The following STC2 variants were observed in gnomAD, a reference collection of about 807,000 sequenced individuals.
STC2 encodes the protein stanniocalcin 2.
A neutral mutation model predicts 22.7 loss-of-function variants in STC2; 7 were observed. The observed-to-expected ratio is 0.31, with a 90% CI of 0.18 to 0.58. The LOEUF (loss-of-function observed/expected upper bound fraction) is 0.58. Among genes scored for constraint, STC2 ranks in the 20% least tolerant of loss-of-function variants. The pLI, the probability that STC2 is intolerant of heterozygous loss-of-function variation, is 0.89. For missense variants in STC2, 336 were observed against 406.2 expected (o/e 0.83, Z 1.48); for synonymous variants, 158 against 163.4 (o/e 0.97, Z 0.25).
rs1296743704 is a variant in STC2, at chr5:173,317,811, G to A, written c.*36C>T. On this transcript the variant is annotated 3_prime_UTR_variant, in exon 4 of 4. Transcript: ENST00000265087. ...ATGTCCATAGATAAGAAAATGGACG[G>A]CGTGGAGGAAAGATTTCGTGGCCAG... is the stretch of plus-strand genomic sequence containing the variant. 6.6e-7 allele frequency: 1 copy of A among 1,522,070 alleles called. No individual in the cohort carries two copies. The highest frequency in any genetic ancestry group is 1.4e-5 in the African/African-American group (1 of 72,164). 94.3% of individuals were successfully genotyped at this position (1,522,070 alleles called of 1,614,324 possible). A position where few individuals can be genotyped will look rare whatever the true frequency, so the allele number is the denominator to read the frequency against.
rs1354220290 is a variant in STC2, at chr5:173,325,545, A to G, written c.294+323T>C. Among the ~76,000 whole-genome samples, 1 of 152,166 alleles carries G rather than the reference A, an allele frequency of 6.6e-6. No homozygotes were observed. Among genetic ancestry groups the G allele is most frequent in the African/African-American group, 2.4e-5 (1 of 41,420 alleles). On this transcript the variant is annotated intron_variant, in intron 2 of 3. Coordinates refer to ENST00000265087, the MANE Select transcript of STC2 (RefSeq NM_003714.3). The surrounding 1 kb of genome is among the most constrained non-coding windows in gnomAD (Gnocchi z 4.7). ...GTAGGTGAAATGACTTCTGAAATGT[A>G]TAATTGGGGGTTCCTGCCCCTGCCT...
rs762087967 is a variant in STC2, at chr5:173,317,876, G to A, written c.880C>T (p.Gln294Ter). The A allele has an allele frequency of 1.9e-6, 3 of 1,597,016 alleles. No homozygotes were observed. The highest frequency in any genetic ancestry group is 2.6e-6 in the Non-Finnish European group (3 of 1,168,916). ...PSGSSEWEDE[Q>*]SEYSDIRR is the part of the protein sequence containing the mutation. ...CTCCGGATATCAGAATACTCAGACT[G>A]TTCGTCTTCCCACTCGCTGCTTCCG... Residue 294 changes from glutamine (Q) to a stop codon, truncating the protein, a stop_gained, in exon 4 of 4, where the codon CAG becomes TAG. Coordinates refer to ENST00000265087, the MANE Select transcript of STC2 (RefSeq NM_003714.3). LOFTEE classifies it high-confidence loss of function.
rs770251596 is a variant in STC2, at chr5:173,315,593, C to G, written c.*2254G>C. The G allele has an allele frequency of 6.6e-6, 1 of 152,260 alleles. No homozygotes were observed. Among genetic ancestry groups the G allele is most frequent in the Non-Finnish European group, 1.5e-5 (1 of 68,046 alleles). 9.4% of individuals were successfully genotyped at this position (152,260 alleles called of 1,614,324 possible). ...CACGGAGGAAAATGGAAATGTGATGCCTTTCACACATCCAGTCCAGGAGCT... is the reference window on the plus strand; with the variant it reads ...CACGGAGGAAAATGGAAATGTGATGGCTTTCACACATCCAGTCCAGGAGCT... On this transcript the variant is annotated 3_prime_UTR_variant, in exon 4 of 4. Coordinates refer to ENST00000265087, the MANE Select transcript of STC2 (RefSeq NM_003714.3).
Position 173,323,448 on chromosome 5 carries a change from G to A in STC2, c.295-18C>T, listed in dbSNP as rs778010691. 2 of 1,589,974 alleles carry A rather than the reference G, an allele frequency of 1.3e-6. No homozygotes were observed. The highest frequency in any genetic ancestry group is 8.6e-7 in the Non-Finnish European group (1 of 1,166,298). ...GACTTGCCCTGAGAACACACAGGCC[G>A]GGGAAGGGAGAGAGGGGCAGAAAGC... On this transcript the variant is annotated intron_variant, in intron 2 of 3. Transcript: ENST00000265087. The surrounding 1 kb of genome is among the most constrained non-coding windows in gnomAD (Gnocchi z 5.4).
At chr5:173,319,388 G>A (rs556123333) in intron 3 of STC2, among the ~76,000 whole-genome samples, 1 of 152,148 alleles carries the variant, frequency 6.6e-6, no homozygotes, top group African/African-American at 2.4e-5. Flanking sequence ...GGCAGTCCTC[G>A]CTGGCAAAGT....
At position 173,323,889 on chromosome 5, in the gene STC2, T is replaced by G. The variant is rs2113137436; in HGVS notation, c.295-459A>C. ...GCCTGCATGTCCAAATCTCACACGT[T>G]TCCTTTTTCCCTTGATTCCAGGGGC... On this transcript the variant is annotated intron_variant, in intron 2 of 3. Transcript: ENST00000265087. The surrounding 1 kb of genome is among the most constrained non-coding windows in gnomAD (Gnocchi z 5.4). 1.8e-5 allele frequency: 3 copies of G among 171,260 alleles called. 1 individual carries two copies. The South Asian group carries it at 4.5e-4, about 26-fold the overall frequency. The allele number at this position is 171,260 out of a possible 1,614,324, so 10.6% of individuals were successfully genotyped here.
At position 173,323,035 on chromosome 5, in the gene STC2, T is replaced by C; in HGVS notation, c.506+184A>G. 1 of 611,272 alleles carries C rather than the reference T, an allele frequency of 1.6e-6. No individual in the cohort carries two copies. The highest frequency in any genetic ancestry group is 2.9e-6 in the Non-Finnish European group (1 of 342,178). The allele number at this position is 611,272 out of a possible 1,614,324, so 37.9% of individuals were successfully genotyped here. On this transcript the variant is annotated intron_variant, in intron 3 of 3. Transcript: ENST00000265087. The surrounding 1 kb of genome is among the most constrained non-coding windows in gnomAD (Gnocchi z 5.4). ...TGAGACTGATGAGGGAATTCTCTCT[T>C]TTCCTAAAAGCCAGCAGGAAAGGGG... is the stretch of plus-strand genomic sequence containing the variant.
chr5:173,319,750 G>A (rs1480007885), intron 3 of STC2, among the ~76,000 whole-genome samples: 3 of 152,254 alleles, frequency 2.0e-5, no homozygotes, highest in Admixed American at 6.5e-5. Flanking sequence ...TCAGGGCCCA[G>A]GGCTTGGCTG....
Position 173,323,560 on chromosome 5 carries a change from A to G in STC2, c.295-130T>C. ...GACATCAGAACCCCAAGGCCCCACC[A>G]GAGACGGACGTCCTCCCAGGTGACA... On this transcript the variant is annotated intron_variant, in intron 2 of 3. Coordinates refer to ENST00000265087, the MANE Select transcript of STC2 (RefSeq NM_003714.3). This position sits in a 1 kb window ranked among gnomAD's most constrained non-coding sequence, Gnocchi z 5.4. The G allele has an allele frequency of 1.1e-6, 1 of 886,286 alleles. No individual in the cohort carries two copies. Among genetic ancestry groups the G allele is most frequent in the African/African-American group, 1.7e-5 (1 of 60,262 alleles). The allele number at this position is 886,286 out of a possible 1,614,324, so 54.9% of individuals were successfully genotyped here.
At position 173,323,315 on chromosome 5, in the gene STC2, C is replaced by A. The variant is rs753833263; in HGVS notation, c.410G>T (p.Arg137Leu). The A allele has an allele frequency of 6.2e-7, 1 of 1,614,208 alleles. No individual in the cohort carries two copies. The change falls in exon 3 of 4, where the codon CGG becomes CTG. Residue 137 changes from arginine to leucine, a missense_variant. By Grantham distance (102) the Arg-to-Leu change is moderately radical (BLOSUM62 -2). This residue lies in a region of STC2 where 215 missense variants were observed against 231.5 expected (regional missense o/e 0.93). Coordinates refer to ENST00000265087, the MANE Select transcript of STC2 (RefSeq NM_003714.3). The surrounding 1 kb of genome is among the most constrained non-coding windows in gnomAD (Gnocchi z 5.4). ...CAGGTCGTGCTTGAGGTAGCATTCC[C>A]GCTGCAACTGGGACACCATTTCCCT... ...AIREMVSQLQRECYLKHDLCA... is the reference protein window; with the variant it reads ...AIREMVSQLQLECYLKHDLCA...
At chr5:173,319,690 C>G (rs534241612) in intron 3 of STC2, among the ~76,000 whole-genome samples, 15 of 152,192 alleles carry the variant, frequency 9.9e-5, no homozygotes, top group Non-Finnish European at 2.1e-4. Flanking sequence ...CTCATGGATG[C>G]AAAAACTGAG....
chr5:173,326,199 AT>A (rs1255528096), intron 1 of STC2, among the ~76,000 whole-genome samples, 189 bp from the exon 2 acceptor site: 14 of 152,220 alleles, frequency 9.2e-5, no homozygotes, highest in Non-Finnish European at 1.5e-4. Flanking sequence ...CTCATGAAAA[AT>A]ATCTCTATTT....
At chr5:173,318,653 AATC>A (rs1762454136) in intron 3 of STC2, among the ~76,000 whole-genome samples, 1 of 152,098 alleles carries the variant, frequency 6.6e-6, no homozygotes, top group Non-Finnish European at 1.5e-5. Context: ...GGTCCAGTGG[AATC>A]ATAATTAGGC....
At position 173,317,577 on chromosome 5, in the gene STC2, T is replaced by G; in HGVS notation, c.*270A>C. 1 of 267,996 alleles carries G rather than the reference T, an allele frequency of 3.7e-6. No individual in the cohort carries two copies. Among genetic ancestry groups the G allele is most frequent in the East Asian group, 6.8e-5 (1 of 14,706 alleles). 16.6% of individuals were successfully genotyped at this position (267,996 alleles called of 1,614,324 possible). Reference sequence around the variant, plus strand: ...GGCCGACACCCACTGACTCCACAGATGGAAAGAAGACAAAGGTACGAGGAT... The same window carrying G: ...GGCCGACACCCACTGACTCCACAGAGGGAAAGAAGACAAAGGTACGAGGAT... On this transcript the variant is annotated 3_prime_UTR_variant, in exon 4 of 4. Coordinates refer to ENST00000265087, the MANE Select transcript of STC2 (RefSeq NM_003714.3).
rs1299072666 is a variant in STC2 at position 173,323,442 on chromosome 5, C to T, written c.295-12G>A. The T allele has an allele frequency of 1.6e-5, 25 of 1,598,922 alleles. No individual in the cohort carries two copies. Among genetic ancestry groups the T allele is most frequent in the Non-Finnish European group, 2.0e-5 (24 of 1,171,848 alleles). On this transcript the variant is annotated splice_polypyrimidine_tract_variant and intron_variant, in intron 2 of 3. Transcript: ENST00000265087. This position sits in a 1 kb window ranked among gnomAD's most constrained non-coding sequence, Gnocchi z 5.4. ...ATGAATGACTTGCCCTGAGAACACACAGGCCGGGGAAGGGAGAGAGGGGCA... is the reference window on the plus strand; with the variant it reads ...ATGAATGACTTGCCCTGAGAACACATAGGCCGGGGAAGGGAGAGAGGGGCA...
rs1374125133 is a variant in STC2, at chr5:173,327,909, C to G, written c.151+134G>C. 9.2e-6 allele frequency: 11 copies of G among 1,195,264 alleles called. No homozygotes were observed. In the African/African-American group the frequency reaches 1.3e-4, roughly 14 times the overall value. 74.0% of individuals were successfully genotyped at this position (1,195,264 alleles called of 1,614,324 possible). A position where few individuals can be genotyped will look rare whatever the true frequency, so the allele number is the denominator to read the frequency against. Reference sequence around the variant, plus strand: ...GCCTTGCCTCGCGCTTCCCTTTGCACGTCCCGTGCCATCCCAAGAGTTTGC... The same window carrying G: ...GCCTTGCCTCGCGCTTCCCTTTGCAGGTCCCGTGCCATCCCAAGAGTTTGC... On this transcript the variant is annotated intron_variant, in intron 1 of 3. Coordinates refer to ENST00000265087, the MANE Select transcript of STC2 (RefSeq NM_003714.3).
chr5:173,322,750 A>G (rs1561643618), intron 3 of STC2, among the ~76,000 whole-genome samples: 1 of 152,188 alleles, frequency 6.6e-6, no homozygotes, highest in Non-Finnish European at 1.5e-5. Flanking sequence ...CAGTTTTCTC[A>G]TCTGTCAAAT....
At chr5:173,326,498 C>G (rs1259920818) in intron 1 of STC2, 2 of 153,528 alleles carry the variant, frequency 1.3e-5, no homozygotes, top group Admixed American at 1.3e-4. Context: ...ATCTAAAAAG[C>G]AGTTTCAATT....
Position 173,328,073 on chromosome 5 carries a change from G to A in STC2, c.121C>T (p.Gln41Ter). 6.3e-7 allele frequency: 1 copy of A among 1,592,562 alleles called. No homozygotes were observed. Among genetic ancestry groups the A allele is most frequent in the Non-Finnish European group, 8.5e-7 (1 of 1,169,964 alleles). ...PEGPQDRSSQ[Q>*]KGRLSLQNTA... ...TTCTGCAGGGACAGGCGGCCTTTCTGCTGGGAGCTCCTGTCTTGGGGACCC... is the reference window on the plus strand; with the variant it reads ...TTCTGCAGGGACAGGCGGCCTTTCTACTGGGAGCTCCTGTCTTGGGGACCC... The change falls in exon 1 of 4, where the codon CAG (glutamine) becomes TAG (stop). Residue 41 changes from glutamine to a stop codon, truncating the protein, a stop_gained. Transcript: ENST00000265087. LOFTEE classifies it high-confidence loss of function.
Sources: gnomAD v4.1 joint callset for allele counts (sites outside exome capture counted in the v4.1 genomes callset) on GRCh38, gnomAD v4.1.1 for gene constraint, gnomAD v4.1.1 regional missense constraint, Gnocchi (gnomAD v3.1) non-coding constraint, MANE v1.5 for transcripts, NCBI Gene and HGNC (gene_info 2026-07-23, HGNC 2026-07-21) for gene names.